The following EYS variants were observed in gnomAD, a reference collection of about 807,000 sequenced individuals.
EYS encodes the protein EGF-like photoreceptor maintenance factor, also known as protein eyes shut homolog.
A neutral mutation model predicts 282.1 loss-of-function variants in EYS; 250 were observed. The ratio of observed to expected loss-of-function variants is 0.89; its 90% confidence interval spans 0.80 to 0.98. The LOEUF (loss-of-function observed/expected upper bound fraction) is 0.98, where lower values mean the gene tolerates loss of function less well. EYS is among the 50% of genes least tolerant of loss of function. The pLI, the probability that EYS is intolerant of heterozygous loss-of-function variation, is 0.00. For synonymous variants in EYS, 1,355 were observed against 1,282.9 expected, an observed-to-expected ratio of 1.06 and a Z score of -1.20; for missense variants, 4,016 against 3,709.0, an observed-to-expected ratio of 1.08 and a Z score of -2.15.
At position 64,082,020 on chromosome 6, in the gene EYS, A is replaced by T; in HGVS notation, c.6425-18T>A. 2.7e-6 allele frequency: 4 copies of T among 1,492,898 alleles called. No homozygotes were observed. The highest frequency in any genetic ancestry group is 3.6e-6 in the Non-Finnish European group (4 of 1,098,538). The allele number at this position is 1,492,898 out of a possible 1,614,324, so 92.5% of individuals were successfully genotyped here. A position where few individuals can be genotyped will look rare whatever the true frequency, so the allele number is the denominator to read the frequency against. On this transcript the variant is annotated intron_variant, in intron 31 of 42. Coordinates refer to ENST00000503581, the MANE Select transcript of EYS (RefSeq NM_001142800.2). Reference sequence around the variant, plus strand: ...ACCTGCATCTAAAAAAGAAAATGGTATTAATATGTTCTGATAGCATTATAT... The same window carrying T: ...ACCTGCATCTAAAAAAGAAAATGGTTTTAATATGTTCTGATAGCATTATAT...
At chr6:64,937,133 C>A (rs892127245) in intron 15 of EYS, among the ~76,000 whole-genome samples, 2 of 151,258 alleles carry the variant, frequency 1.3e-5, no homozygotes, top group Non-Finnish European at 3.0e-5. Context: ...ACACCACACA[C>A]ATAAAAATTA....
intron 13 of EYS, among the ~76,000 whole-genome samples, chr6:65,000,391 GTA>G (rs1771424339): frequency 2.6e-5 from 4 of 152,174 alleles, no homozygotes; most frequent in African/African-American, 9.7e-5. Context: ...GCTTAAATGT[GTA>G]CCAGACATCA....
intron 34 of EYS, among the ~76,000 whole-genome samples, chr6:63,989,734 C>T (rs1301384261): frequency 6.6e-6 from 1 of 151,368 alleles, no homozygotes; most frequent in Non-Finnish European, 1.5e-5. Flanking sequence ...TGTTATGCTG[C>T]CTTAGAATCT....
At chr6:65,043,035 T>G (rs1301322414) in intron 13 of EYS, among the ~76,000 whole-genome samples, 1 of 151,500 alleles carries the variant, frequency 6.6e-6, no homozygotes, top group Non-Finnish European at 1.5e-5. Context: ...CGGGATGGCC[T>G]GAAAATCTAG....
chr6:64,686,857 G>GTA (rs1182157154), intron 22 of EYS, among the ~76,000 whole-genome samples: 6,154 of 21,458 alleles, frequency 0.29, 1,724 homozygotes, highest in African/African-American at 0.53. Context: ...ATATATATGT[G>GTA]TATATATATA....
At chr6:64,669,779 A>T (rs1481882578) in intron 22 of EYS, among the ~76,000 whole-genome samples, 2 of 152,214 alleles carry the variant, frequency 1.3e-5, no homozygotes, top group African/African-American at 4.8e-5. Context: ...TAGAATCAGA[A>T]TTTGACAGTA....
intron 26 of EYS, among the ~76,000 whole-genome samples, chr6:64,542,977 T>C (rs1444029171): frequency 1.3e-5 from 2 of 152,128 alleles, no homozygotes; most frequent in African/African-American, 4.8e-5. Flanking sequence ...AGTGCCTCAA[T>C]GTCCTAGGAA....
intron 12 of EYS, among the ~76,000 whole-genome samples, chr6:65,254,110 T>C (rs1767397784): frequency 6.6e-6 from 1 of 151,834 alleles, no homozygotes; most frequent in Non-Finnish European, 1.5e-5. Flanking sequence ...TAACATAGCA[T>C]TTATTTTGAT....
At chr6:65,108,153 C>T (rs941854535) in intron 12 of EYS, among the ~76,000 whole-genome samples, 2 of 151,134 alleles carry the variant, frequency 1.3e-5, no homozygotes, top group Non-Finnish European at 2.9e-5. Flanking sequence ...TCCTTTAGCT[C>T]GAAGAACTTC....
chr6:65,540,717 G>A (rs1486172698), intron 2 of EYS, among the ~76,000 whole-genome samples: 5 of 152,026 alleles, frequency 3.3e-5, no homozygotes, highest in South Asian at 2.1e-4. Flanking sequence ...TCAGGAGTTC[G>A]AGACCAGCCT....
chr6:64,540,672 C>T (rs529726299), intron 26 of EYS, among the ~76,000 whole-genome samples: 5 of 151,890 alleles, frequency 3.3e-5, no homozygotes, highest in South Asian at 2.1e-4. Flanking sequence ...TTAGCAGATA[C>T]GGGGTTTTGC....
intron 22 of EYS, among the ~76,000 whole-genome samples, chr6:64,797,099 G>T (rs904336294): frequency 6.6e-6 from 1 of 152,036 alleles, no homozygotes; most frequent in Admixed American, 6.6e-5. Context: ...TTCTAATCGG[G>T]TTAATCAATA....
chr6:64,331,861 A>G (rs780127490), intron 29 of EYS, among the ~76,000 whole-genome samples: 3 of 152,202 alleles, frequency 2.0e-5, no homozygotes, highest in South Asian at 2.1e-4. Flanking sequence ...CTACTGGTAC[A>G]TGCTAGTGTT....
chr6:65,510,470 T>C lies in EYS; in HGVS notation c.-332-14477A>G, dbSNP rs546085976. ...GGTCTCTCAGCAAGGTGAAATGGGA[T>C]ATACATTTTTAAAACTTCAAATATC... is the stretch of plus-strand genomic sequence containing the variant. On this transcript the variant is annotated intron_variant, in intron 2 of 42. Coordinates refer to ENST00000503581, the MANE Select transcript of EYS (RefSeq NM_001142800.2). Among the ~76,000 whole-genome samples, 4 of 152,202 alleles carry C rather than the reference T, an allele frequency of 2.6e-5. No homozygotes were observed. In the South Asian group the frequency reaches 6.2e-4, roughly 24 times the overall value.
At chr6:64,116,270 C>T (rs538919864) in intron 31 of EYS, among the ~76,000 whole-genome samples, 2 of 152,046 alleles carry the variant, frequency 1.3e-5, no homozygotes, top group Non-Finnish European at 2.9e-5. Flanking sequence ...AAGGAAAGAA[C>T]TTTTTAACAT....
At chr6:63,840,079 G>A (rs1029456784) in intron 36 of EYS, among the ~76,000 whole-genome samples, 1 of 140,802 alleles carries the variant, frequency 7.1e-6, no homozygotes, top group Non-Finnish European at 1.5e-5. Context: ...ACGGAGTCTC[G>A]CTTTGTTGCC....
intron 18 of EYS, among the ~76,000 whole-genome samples, chr6:64,900,662 A>C (rs923854759): frequency 1.1e-4 from 17 of 152,220 alleles, no homozygotes; most frequent in African/African-American, 4.1e-4. Flanking sequence ...AGAGAAATAC[A>C]AATCAAAACC....
intron 31 of EYS, among the ~76,000 whole-genome samples, chr6:64,149,897 C>A (rs528916955): frequency 1.3e-5 from 2 of 152,286 alleles, no homozygotes; most frequent in East Asian, 3.9e-4. Context: ...AATTAATGCC[C>A]TGCCTTCATG....
At chr6:64,484,153 T>C (rs751659258) in intron 26 of EYS, among the ~76,000 whole-genome samples, 19 of 151,600 alleles carry the variant, frequency 1.3e-4, no homozygotes, top group Non-Finnish European at 2.2e-4. Flanking sequence ...TGTTTATAGA[T>C]AGGCCACCTT....
Sources: allele counts gnomAD v4.1 joint callset (sites outside exome capture counted in the v4.1 genomes callset), GRCh38; gene constraint gnomAD v4.1.1; transcripts MANE v1.5; gene names NCBI Gene and HGNC (gene_info 2026-07-23, HGNC 2026-07-21).